The following WDR4 variants were observed in gnomAD, a reference collection of about 807,000 sequenced individuals.
WDR4 encodes the protein WDR4 tRNA N7-guanosine methyltransferase non-catalytic subunit.
WDR4 carries 47 observed loss-of-function variants against 48.6 expected under a neutral mutation model. The ratio of observed to expected loss-of-function variants is 0.97; its 90% CI spans 0.77 to 1.23. The LOEUF is 1.23. Among genes scored for constraint, WDR4 ranks in the 50% most tolerant of loss-of-function variants. WDR4 has a pLI of 0.00. For synonymous variants in WDR4, 268 were observed against 230.0 expected, an observed-to-expected ratio of 1.17 and a Z score of -1.49; for missense variants, 606 against 551.6, an observed-to-expected ratio of 1.10 and a Z score of -0.99.
At chr21:42,844,445 G>A (rs183268864), downstream of WDR4, among the ~76,000 whole-genome samples, 145 of 152,314 alleles carry the variant, frequency 9.5e-4, no homozygotes, top group African/African-American at 3.2e-3. Context: ...GATTCAACAG[G>A]AACAGAGGGT....
chr21:42,879,827 G>A, upstream of WDR4: 1 of 412,830 alleles, frequency 2.4e-6, no homozygotes, highest in East Asian at 3.5e-5. Context: ...CGCGGTAGCT[G>A]GAGAGACGTA....
intron 2 of WDR4, among the ~76,000 whole-genome samples, chr21:42,876,424 G>A (rs1031059922): frequency 1.1e-4 from 16 of 152,002 alleles, no homozygotes; most frequent in Admixed American, 9.2e-4. Flanking sequence ...ATGTTGGCCA[G>A]GATGGTCTGG....
At chr21:42,883,565 T>A (rs1363077059), upstream of WDR4, 1 of 153,644 alleles carries the variant, frequency 6.5e-6, no homozygotes, top group African/African-American at 2.4e-5. Flanking sequence ...GCATCCTGGA[T>A]TTGGGTGGAC....
At position 42,850,206 on chromosome 21, in the gene WDR4, T is replaced by TA; in HGVS notation, c.1081dup (p.Tyr361LeufsTer70). ...GGTCACGTTGTCGAACGTGGCCTTG[T>TA]AGAGACTGCTGAAGCTGGCGTCTGC... On this transcript the variant is annotated frameshift_variant, in exon 11 of 11. Coordinates refer to ENST00000398208, the MANE Select transcript of WDR4 (RefSeq NM_018669.6). LOFTEE classifies it low-confidence loss of function (END_TRUNC). 1.2e-6 allele frequency: 2 copies of TA among 1,609,916 alleles called. No individual in the cohort carries two copies. Among genetic ancestry groups the TA allele is most frequent in the Non-Finnish European group, 8.5e-7 (1 of 1,177,886 alleles).
chr21:42,886,220 G>T, the WDR4 span, among the ~76,000 whole-genome samples: 3 of 152,088 alleles, frequency 2.0e-5, no homozygotes, highest in Admixed American at 6.6e-5. Context: ...GCCTCCCAAA[G>T]TGCTGGGATT....
chr21:42,873,841 T>C (rs748638228), intron 2 of WDR4, 150 bp from the exon 3 acceptor site: 134 of 904,044 alleles, frequency 1.5e-4, no homozygotes, highest in Non-Finnish European at 2.1e-4. Context: ...TAAAGGGACA[T>C]GGGGAAGTTC....
At position 42,859,813 on chromosome 21, in the gene WDR4, G is replaced by A. The variant is rs185829007; in HGVS notation, c.567-91C>T. The A allele has an allele frequency of 1.7e-4, 221 of 1,302,862 alleles. 1 individual carries two copies. In the African/African-American group the frequency reaches 2.7e-3, roughly 16 times the overall value. 80.7% of individuals were successfully genotyped at this position (1,302,862 alleles called of 1,614,324 possible). On this transcript the variant is annotated intron_variant, in intron 5 of 10. Transcript: ENST00000398208. ...GGAGGCCGCCTGTTCATCTAAGGAA[G>A]AGAAGCCTCTGCCCTAAACCCCCTG...
chr21:42,853,155 C>T (rs567065402), intron 9 of WDR4, among the ~76,000 whole-genome samples: 6 of 152,268 alleles, frequency 3.9e-5, no homozygotes, highest in Admixed American at 3.3e-4. Flanking sequence ...CTCAGCCTGC[C>T]GCCCTTGCCC....
chr21:42,880,755 A>G (rs1038797375), upstream of WDR4, among the ~76,000 whole-genome samples: 1 of 148,486 alleles, frequency 6.7e-6, no homozygotes, highest in African/African-American at 2.5e-5. Context: ...AACTTTCTCA[A>G]CCTCCTTCCT....
the WDR4 span, among the ~76,000 whole-genome samples, chr21:42,884,744 C>T: frequency 6.6e-6 from 1 of 151,882 alleles, no homozygotes; most frequent in African/African-American, 2.4e-5. Flanking sequence ...GTTCCAGTTT[C>T]TCCACATCCT....
At chr21:42,850,298 C>A in intron 10 of WDR4, 56 bp from the exon 11 acceptor site, 1 of 1,487,454 alleles carries the variant, frequency 6.7e-7, no homozygotes, top group African/African-American at 1.4e-5. Flanking sequence ...GGGACTCGGC[C>A]ACCACAGCGG....
At chr21:42,864,069 C>A (rs7281227) in intron 3 of WDR4, among the ~76,000 whole-genome samples, 2 of 58,872 alleles carry the variant, frequency 3.4e-5, no homozygotes, top group African/African-American at 1.6e-4. Context: ...ATCCCGCCAC[C>A]GCACTCCAGC....
chr21:42,864,081 TGGGGC>T (rs2058189652), intron 3 of WDR4, among the ~76,000 whole-genome samples: 1 of 50,210 alleles, frequency 2.0e-5, no homozygotes, highest in Non-Finnish European at 3.3e-5. Context: ...CACTCCAGCC[TGGGGC>T]GACAGAGCGA....
At chr21:42,876,216 C>CTTTTTTTTTT (rs1491253275) in intron 2 of WDR4, among the ~76,000 whole-genome samples, 1,790 of 60,446 alleles carry the variant, frequency 0.03, 49 homozygotes, top group African/African-American at 0.12. Context: ...TAACACTGTA[C>CTTTTTTTTTT]TCTTTTTTTT....
At chr21:42,866,479 A>C (rs1365682718) in intron 3 of WDR4, among the ~76,000 whole-genome samples, 1 of 152,154 alleles carries the variant, frequency 6.6e-6, no homozygotes, top group Non-Finnish European at 1.5e-5. Flanking sequence ...AACTGAATGG[A>C]GGTGGATGTG....
At chr21:42,858,169 G>C (rs771197177) in intron 6 of WDR4, among the ~76,000 whole-genome samples, 1 of 152,228 alleles carries the variant, frequency 6.6e-6, no homozygotes, top group Non-Finnish European at 1.5e-5. Flanking sequence ...GGCAGGGGTA[G>C]AGAACAGAAG....
upstream of WDR4, among the ~76,000 whole-genome samples, chr21:42,880,906 C>G (rs1277974692): frequency 6.6e-6 from 1 of 151,430 alleles, no homozygotes; most frequent in East Asian, 1.9e-4. Flanking sequence ...CAGGTGCTCT[C>G]CATGCCCAAG....
In WDR4 at chr21:42,843,283, T is replaced by G. The variant is rs532885462; in HGVS notation, c.*9-2A>C. On this transcript the variant is annotated splice_acceptor_variant, in intron 11 of 11. Coordinates refer to the WDR4 transcript ENST00000330317. LOFTEE classifies it low-confidence loss of function (3UTR_SPLICE). ...GGTCCACAGTCGACAGAAACAGACC[T>G]AGATATGACAGTAATAATGAATTAG... 2 of 152,212 alleles carry G rather than the reference T, an allele frequency of 1.3e-5. No individual in the cohort carries two copies. The highest frequency in any genetic ancestry group is 4.2e-4 in the South Asian group (2 of 4,818). The allele number at this position is 152,212 out of a possible 1,614,324, so 9.4% of individuals were successfully genotyped here.
chr21:42,891,371 T>C, the WDR4 span, among the ~76,000 whole-genome samples: 1 of 150,568 alleles, frequency 6.6e-6, no homozygotes. Context: ...CCCTCAACCA[T>C]AGGTACCCCA....
Sources: allele counts gnomAD v4.1 joint callset (sites outside exome capture counted in the v4.1 genomes callset), GRCh38; gene constraint gnomAD v4.1.1; transcripts MANE v1.5; gene names NCBI Gene and HGNC (gene_info 2026-07-23, HGNC 2026-07-21).